The following VWF variants were observed in gnomAD, a reference collection of about 807,000 sequenced individuals.
VWF encodes Factor VIII related antigen.
VWF carries 176 observed loss-of-function variants against 308.6 expected under a neutral mutation model. That is an observed-to-expected ratio of 0.57 (90% CI 0.50 to 0.65). The LOEUF is 0.65. Among genes scored for constraint, VWF ranks in the 30% least tolerant of loss-of-function variants. The probability of loss-of-function intolerance (pLI) is 0.00; values close to 1 mark genes in which losing one functional copy is unlikely to be tolerated. For synonymous variants in VWF, 1,385 were observed against 1,443.4 expected, an observed-to-expected ratio of 0.96 and a Z score of 0.92; for missense variants, 3,146 against 3,648.2, an observed-to-expected ratio of 0.86 and a Z score of 3.55.
rs755528551 is a variant in VWF at position 6,018,841 on chromosome 12, T to C, written c.4577A>G (p.Gln1526Arg). The change falls in exon 28 of 52, where the codon CAG (glutamine) becomes CGG (arginine). Residue 1526 changes from glutamine to arginine, a missense_variant. Physicochemically the swap from Gln to Arg is conservative, Grantham distance 43 (BLOSUM62 1). Transcript: ENST00000261405. ...RSKEFMEEVI[Q>R]RMDVGQDSIH... is the part of the protein sequence containing the mutation. Reference sequence around the variant, plus strand: ...GCTGTCCTGGCCCACATCCATCCGCTGAATCACCTCCTCCATGAACTCCTT... The same window carrying C: ...GCTGTCCTGGCCCACATCCATCCGCCGAATCACCTCCTCCATGAACTCCTT... 10 of 1,613,948 alleles carry C rather than the reference T, an allele frequency of 6.2e-6. No homozygotes were observed. The Admixed American group carries it at 1.7e-4, about 27-fold the overall frequency.
intron 6 of VWF, among the ~76,000 whole-genome samples, chr12:6,088,076 A>G (rs1944992470): frequency 6.6e-6 from 1 of 152,210 alleles, no homozygotes. Flanking sequence ...CCAAGTGACT[A>G]CTGTTCATAT....
chr12:6,121,708 A>ATGAGG (rs2136536011), intron 2 of VWF, among the ~76,000 whole-genome samples: 1 of 152,316 alleles, frequency 6.6e-6, no homozygotes, highest in East Asian at 1.9e-4. Context: ...AGGTGGGCAG[A>ATGAGG]TCACCTGAGG....
intron 19 of VWF, among the ~76,000 whole-genome samples, chr12:6,035,145 T>G (rs958766795): frequency 3.9e-5 from 6 of 152,180 alleles, no homozygotes; most frequent in East Asian, 3.9e-4. Flanking sequence ...ATGAATTCGC[T>G]CAGCCTCACC....
intron 40 of VWF, among the ~76,000 whole-genome samples, chr12:5,984,639 G>C (rs137982640): frequency 6.6e-6 from 1 of 152,244 alleles, no homozygotes; most frequent in African/African-American, 2.4e-5. Flanking sequence ...AGAGCAGCCT[G>C]CAAGGCTAGC....
intron 43 of VWF, 100 bp downstream of exon 43, chr12:5,976,011 A>G (rs1298344449): frequency 6.8e-7 from 1 of 1,461,010 alleles, no homozygotes; most frequent in Non-Finnish European, 9.1e-7. Flanking sequence ...GCGAGTCTCC[A>G]TTTCAAAAAA....
At chr12:6,107,210 T>C (rs865957537) in intron 5 of VWF, among the ~76,000 whole-genome samples, 34 of 152,280 alleles carry the variant, frequency 2.2e-4, no homozygotes, top group Admixed American at 4.6e-4. Context: ...ATTTTGGAAA[T>C]ATCAAGACTA....
chr12:6,073,538 C>T (rs1944803602), intron 8 of VWF, 81 bp downstream of exon 8: 1 of 1,598,804 alleles, frequency 6.3e-7, no homozygotes, highest in African/African-American at 1.3e-5. Flanking sequence ...GGAGCAAACA[C>T]AAGTGGCCTT....
intron 28 of VWF, among the ~76,000 whole-genome samples, chr12:6,017,559 C>T (rs555626405): frequency 6.6e-6 from 1 of 152,254 alleles, no homozygotes; most frequent in South Asian, 2.1e-4. Context: ...TGTTCAGGAA[C>T]TAGGAATGGA....
intron 19 of VWF, among the ~76,000 whole-genome samples, chr12:6,035,641 A>C (rs2136431470): frequency 6.6e-6 from 1 of 152,326 alleles, no homozygotes; most frequent in South Asian, 2.1e-4. Flanking sequence ...CGCCACTGCA[A>C]GCACACTCAC....
At chr12:6,080,613 G>A (rs529774061) in intron 6 of VWF, among the ~76,000 whole-genome samples, 3 of 152,222 alleles carry the variant, frequency 2.0e-5, no homozygotes, top group Non-Finnish European at 4.4e-5. Context: ...GAGTCACCAC[G>A]GCTGAGCCGA....
At chr12:6,089,399 C>T (rs150574928) in intron 6 of VWF, among the ~76,000 whole-genome samples, 4 of 152,292 alleles carry the variant, frequency 2.6e-5, no homozygotes, top group African/African-American at 4.8e-5. Context: ...CAGCCCAACA[C>T]GAAGAACCTG....
rs967266842 is a variant in VWF, at chr12:6,046,715, G to C, written c.2281+8C>G. The C allele has an allele frequency of 1.9e-6, 3 of 1,613,620 alleles. No individual in the cohort carries two copies. Among genetic ancestry groups the C allele is most frequent in the Admixed American group, 1.7e-5 (1 of 60,036 alleles). ...AGTCAATGGGCCTTCCAGGGGGACA[G>C]TACTCACTGCGATGAGACAGGGGAC... On this transcript the variant is annotated splice_region_variant and intron_variant, in intron 17 of 51. Coordinates refer to ENST00000261405, the MANE Select transcript of VWF (RefSeq NM_000552.5). This position sits in a 1 kb window ranked among gnomAD's most constrained non-coding sequence, Gnocchi z 5.0.
chr12:5,952,546 T>A (rs1461093565), intron 48 of VWF, 27 bp from the exon 49 acceptor site: 2 of 1,611,020 alleles, frequency 1.2e-6, no homozygotes, highest in Non-Finnish European at 1.7e-6. Flanking sequence ...GTGGGTAAAG[T>A]CAGAGACAGT....
intron 47 of VWF, 142 bp from the exon 48 acceptor site, chr12:5,953,736 C>A: frequency 8.5e-6 from 6 of 705,094 alleles, no homozygotes; most frequent in Middle Eastern, 2.5e-4. Flanking sequence ...CAACTCCAAC[C>A]AGCTTTTGTC....
At chr12:6,072,784 C>T (rs1944795727) in intron 8 of VWF, among the ~76,000 whole-genome samples, 1 of 152,068 alleles carries the variant, frequency 6.6e-6, no homozygotes, top group South Asian at 2.1e-4. Flanking sequence ...ATTACCATTC[C>T]ACAGATGAAG....
chr12:6,042,123 G>C (rs1243262198), intron 18 of VWF, among the ~76,000 whole-genome samples: 1 of 152,186 alleles, frequency 6.6e-6, no homozygotes, highest in Non-Finnish European at 1.5e-5. Context: ...CTGAAGGATT[G>C]CACAAGAGCA....
chr12:5,983,713 A>C (rs1943639061), intron 40 of VWF, among the ~76,000 whole-genome samples: 1 of 152,056 alleles, frequency 6.6e-6, no homozygotes, highest in Non-Finnish European at 1.5e-5. Flanking sequence ...AGGATAGATT[A>C]TAAATAGATA....
chr12:6,065,143 A>G lies in VWF; in HGVS notation c.1287T>C (p.Thr429=). Residue 429 remains threonine (T), a synonymous_variant, in exon 11 of 52, where the codon ACT becomes ACC. Coordinates refer to ENST00000261405, the MANE Select transcript of VWF (RefSeq NM_000552.5). ...QDHSFSIVIE[T]VQCADDRDAV... Reference sequence around the variant, plus strand: ...CCGGGCTGGCAAAGCTCACCTGGACAGTCTCAATGACAATGGAGAAGGAGT... The same window carrying G: ...CCGGGCTGGCAAAGCTCACCTGGACGGTCTCAATGACAATGGAGAAGGAGT... 6.2e-7 allele frequency: 1 copy of G among 1,614,234 alleles called. No homozygotes were observed. The highest frequency in any genetic ancestry group is 8.5e-7 in the Non-Finnish European group (1 of 1,180,050).
chr12:6,040,914 A>C (rs1423981491), intron 18 of VWF, among the ~76,000 whole-genome samples: 2 of 152,188 alleles, frequency 1.3e-5, no homozygotes, highest in Non-Finnish European at 2.9e-5. Context: ...GGACACTGAG[A>C]GGCACCTTAG....
Sources: allele counts gnomAD v4.1 joint callset (sites outside exome capture counted in the v4.1 genomes callset), GRCh38; gene constraint gnomAD v4.1.1; non-coding constraint Gnocchi (gnomAD v3.1); transcripts MANE v1.5; gene names NCBI Gene and HGNC (gene_info 2026-07-23, HGNC 2026-07-21).